The following SRSF11 variants were observed in gnomAD, a reference collection of about 807,000 sequenced individuals.
The protein encoded by SRSF11 is serine and arginine rich splicing factor 11, also known as serine/arginine-rich splicing factor 11.
Under a neutral mutation model 56.0 loss-of-function variants are expected in SRSF11, and 9 were observed. That is an observed-to-expected ratio of 0.16 (90% confidence interval 0.10 to 0.28). The LOEUF (loss-of-function observed/expected upper bound fraction) is 0.28. Ranked by LOEUF, SRSF11 falls within the 10% of genes least tolerant of loss-of-function variation. The probability of loss-of-function intolerance (pLI) is 1.00; values close to 1 mark genes in which losing one functional copy is unlikely to be tolerated. For synonymous variants in SRSF11, 222 were observed against 215.3 expected (o/e 1.03, Z -0.27); for missense variants, 421 against 600.7 (o/e 0.70, Z 3.13).
chr1:70,225,473 T>C (rs1416645691), intron 1 of SRSF11, among the ~76,000 whole-genome samples: 1 of 152,180 alleles, frequency 6.6e-6, no homozygotes, highest in East Asian at 1.9e-4. Context: ...GCGATACTTT[T>C]ATTTATGAGC....
rs532860097 is a variant in SRSF11 at position 70,242,873 on chromosome 1, C to T, written c.801-1811C>T. Among the ~76,000 whole-genome samples, 28 of 152,100 alleles carry T rather than the reference C, an allele frequency of 1.8e-4. No homozygotes were observed. The South Asian group carries it at 5.4e-3, about 29-fold the overall frequency. ...TTTAAATCAGGCAGTGTAGTAATTGCTCAAGAATACAGTCATGAAAAGACT... is the reference window on the plus strand; with the variant it reads ...TTTAAATCAGGCAGTGTAGTAATTGTTCAAGAATACAGTCATGAAAAGACT... On this transcript the variant is annotated intron_variant, in intron 7 of 11. Coordinates refer to ENST00000370949, the MANE Select transcript of SRSF11 (RefSeq NM_001350605.2).
intron 1 of SRSF11, among the ~76,000 whole-genome samples, chr1:70,213,361 T>TA (rs1283948916): frequency 6.6e-6 from 1 of 152,250 alleles, no homozygotes; most frequent in Non-Finnish European, 1.5e-5. Context: ...TTTGAATATT[T>TA]AGCATTAAAC....
chr1:70,214,567 A>G (rs1374823508), intron 1 of SRSF11, among the ~76,000 whole-genome samples: 1 of 152,208 alleles, frequency 6.6e-6, no homozygotes, highest in Non-Finnish European at 1.5e-5. Context: ...TGTCAATTTA[A>G]AAACATACAT....
intron 1 of SRSF11, chr1:70,205,797 G>A (rs1158897424): frequency 5.0e-6 from 2 of 401,940 alleles, no homozygotes; most frequent in East Asian, 7.1e-5. Flanking sequence ...GCGTTTAACG[G>A]GCTTAAGAGG....
At chr1:70,242,863 G>A (rs1675803941) in intron 7 of SRSF11, among the ~76,000 whole-genome samples, 1 of 150,944 alleles carries the variant, frequency 6.6e-6, no homozygotes, top group Admixed American at 6.6e-5. Flanking sequence ...ATCAGGCAGT[G>A]TAGTAATTGC....
intron 1 of SRSF11, among the ~76,000 whole-genome samples, chr1:70,206,495 G>T (rs1210555804): frequency 6.6e-6 from 1 of 151,726 alleles, no homozygotes; most frequent in Admixed American, 6.6e-5. Flanking sequence ...TGTTTCCTAG[G>T]AAATTAAAAT....
chr1:70,249,326 A>G (rs1413925681), intron 9 of SRSF11: 1 of 152,266 alleles, frequency 6.6e-6, no homozygotes, highest in Non-Finnish European at 1.5e-5. Flanking sequence ...GTTTGAACCA[A>G]AAACTAACTT....
chr1:70,230,392 T>C (rs1672617019), intron 2 of SRSF11: 1 of 1,119,538 alleles, frequency 8.9e-7, no homozygotes, highest in Non-Finnish European at 1.1e-6. Flanking sequence ...TTTAGAACAG[T>C]AGACATAGTC....
At chr1:70,242,275 G>C (rs1675623847) in intron 7 of SRSF11, among the ~76,000 whole-genome samples, 1 of 151,830 alleles carries the variant, frequency 6.6e-6, no homozygotes, top group South Asian at 2.1e-4. Flanking sequence ...AAAAGTAGAA[G>C]TGAAATATGT....
rs752164072 is a variant in SRSF11 at position 70,232,270 on chromosome 1, G to C, written c.340G>C (p.Val114Leu). ...ALIVVPYAEG[V>L]IPDEAKALSL... ...AATGCAAGGATGTTTCTCTGCAGGA[G>C]TTATTCCTGATGAAGCTAAAGCTTT... The change falls in exon 3 of 12, where the codon GTT becomes CTT. Residue 114 changes from valine to leucine, a missense_variant and splice_region_variant. By Grantham distance (32) the Val-to-Leu change is conservative. This residue lies in a region of SRSF11 where 168 missense variants were observed against 294.9 expected (regional missense o/e 0.57). Coordinates refer to ENST00000370949, the MANE Select transcript of SRSF11 (RefSeq NM_001350605.2). 3 of 1,614,192 alleles carry C rather than the reference G, an allele frequency of 1.9e-6. No homozygotes were observed. The highest frequency in any genetic ancestry group is 3.3e-5 in the Admixed American group (2 of 60,024).
At chr1:70,242,472 C>CTTTTTTTTTT (rs377434872) in intron 7 of SRSF11, among the ~76,000 whole-genome samples, 4 of 139,398 alleles carry the variant, frequency 2.9e-5, no homozygotes, top group African/African-American at 1.1e-4. Context: ...ATTTTTGCAC[C>CTTTTTTTTTT]TTTTTTTTTT....
At chr1:70,231,418 A>G (rs995840016) in intron 2 of SRSF11, 12 of 1,057,776 alleles carry the variant, frequency 1.1e-5, no homozygotes, top group African/African-American at 1.7e-5. Context: ...TTATCTGAAT[A>G]CACAGATTAG....
rs74774895 is a variant in SRSF11, at chr1:70,241,598, C to T, written c.800+2078C>T. Among the ~76,000 whole-genome samples the T allele has an allele frequency of 8.8e-3, 1,341 of 152,260 alleles. 22 individuals carry two copies. Among genetic ancestry groups the T allele is most frequent in the African/African-American group, 0.03 (1,264 of 41,552 alleles). ...ATTCCGTCTGGTTTATCTTTTTACA[C>T]GTGTCATTTGCCACTCCAAAAGTTA... On this transcript the variant is annotated intron_variant, in intron 7 of 11. Coordinates refer to ENST00000370949, the MANE Select transcript of SRSF11 (RefSeq NM_001350605.2).
Position 70,237,315 on chromosome 1 carries a change from T to G in SRSF11, c.591-110T>G, listed in dbSNP as rs116621146. ...GTTATCATGGAGTCCTCCCCTCCCT[T>G]TTTTTGAAGGAATATTTTGCTAAAA... is the stretch of plus-strand genomic sequence containing the variant. On this transcript the variant is annotated intron_variant, in intron 5 of 11. Coordinates refer to ENST00000370949, the MANE Select transcript of SRSF11 (RefSeq NM_001350605.2). The G allele has an allele frequency of 1.8e-3, 2,487 of 1,405,568 alleles. 35 individuals carry two copies. In the African/African-American group the frequency reaches 0.031, roughly 18 times the overall value. 87.1% of individuals were successfully genotyped at this position (1,405,568 alleles called of 1,614,324 possible).
rs1334115291 is a variant in SRSF11 at position 70,232,294 on chromosome 1, T to C, written c.364T>C (p.Leu122=). 19 of 1,614,060 alleles carry C rather than the reference T, an allele frequency of 1.2e-5. No homozygotes were observed. The highest frequency in any genetic ancestry group is 1.5e-5 in the Non-Finnish European group (18 of 1,180,044). ...AGTTATTCCTGATGAAGCTAAAGCT[T>C]TGTCTCTGTTGGCACCAGCTAATGC... The part of the protein sequence containing the change: ...EGVIPDEAKA[L]SLLAPANAVA... The change falls in exon 3 of 12, where the codon TTG becomes CTG. Residue 122 remains leucine (L), a synonymous_variant. Coordinates refer to ENST00000370949, the MANE Select transcript of SRSF11 (RefSeq NM_001350605.2).
At chr1:70,234,935 C>T (rs561695392) in intron 4 of SRSF11, 147 bp downstream of exon 4, 155 of 590,006 alleles carry the variant, frequency 2.6e-4, no homozygotes, top group African/African-American at 2.4e-3. Flanking sequence ...TTTAAACAGT[C>T]ACTGAATGAC....
intron 1 of SRSF11, among the ~76,000 whole-genome samples, chr1:70,223,035 C>G (rs756080686): frequency 3.9e-5 from 6 of 152,038 alleles, no homozygotes; most frequent in Admixed American, 1.3e-4. Context: ...ATCTTTATTC[C>G]TGTTATTTTG....
intron 2 of SRSF11, chr1:70,230,522 G>A: frequency 8.0e-7 from 1 of 1,253,000 alleles, no homozygotes; most frequent in Non-Finnish European, 1.0e-6. Flanking sequence ...TCTTTTGTCT[G>A]TTTCTTTTTC....
In SRSF11 at chr1:70,249,935, C is replaced by T. The variant is rs1677615559; in HGVS notation, c.1023-17C>T. 6.2e-7 allele frequency: 1 copy of T among 1,612,974 alleles called. No homozygotes were observed. Among genetic ancestry groups the T allele is most frequent in the East Asian group, 2.2e-5 (1 of 44,872 alleles). On this transcript the variant is annotated splice_polypyrimidine_tract_variant and intron_variant, in intron 9 of 11. Coordinates refer to ENST00000370949, the MANE Select transcript of SRSF11 (RefSeq NM_001350605.2). ...ACACTGTATTTTAAAACCTAGTTTGCACATTTGTGATTCTAGAGAGAGACG... is the reference window on the plus strand; with the variant it reads ...ACACTGTATTTTAAAACCTAGTTTGTACATTTGTGATTCTAGAGAGAGACG...
Sources: allele counts gnomAD v4.1 joint callset (sites outside exome capture counted in the v4.1 genomes callset), GRCh38; gene constraint gnomAD v4.1.1; regional missense constraint gnomAD v4.1.1; transcripts MANE v1.5; gene names NCBI Gene and HGNC (gene_info 2026-07-23, HGNC 2026-07-21).